CCDC57: variants seen among roughly 807,000 people sequenced by gnomAD.
CCDC57 encodes coiled-coil domain containing 57.
In CCDC57, 118 loss-of-function variants were observed where a neutral mutation model predicts 118.9. The observed-to-expected ratio is 0.99, with a 90% confidence interval of 0.86 to 1.16. The LOEUF is 1.16. Ranked by LOEUF, CCDC57 falls within the 50% of genes most tolerant of loss-of-function variation. CCDC57 has a pLI of 0.00. For missense variants in CCDC57, 1,300 were observed against 1,320.7 expected (o/e 0.98, Z 0.24); for synonymous variants, 527 against 532.9 (o/e 0.99, Z 0.15).
At position 82,212,397 on chromosome 17, in the gene CCDC57, CTT is replaced by C. The variant is rs55941734; in HGVS notation, c.-211+386_-211+387del. On this transcript the variant is annotated intron_variant, in intron 1 of 19. Transcript: ENST00000665763. The surrounding 1 kb of genome is among the most constrained non-coding windows in gnomAD (Gnocchi z 4.1). ...CGCCTCCGGCCTTTTTTTTTCCTCT[CTT>C]TTTTTTTTTTTTTTTTTAAACTCAC... Among the ~76,000 whole-genome samples the C allele has an allele frequency of 1.3e-4, 17 of 135,128 alleles. No homozygotes were observed. The highest frequency in any genetic ancestry group is 2.7e-4 in the African/African-American group (9 of 33,470). The allele number at this position is 135,128 out of a possible 152,430, so 88.6% of individuals were successfully genotyped here.
chr17:82,117,878 T>C (rs1032990276), intron 19 of CCDC57, among the ~76,000 whole-genome samples: 1 of 152,158 alleles, frequency 6.6e-6, no homozygotes, highest in African/African-American at 2.4e-5. Flanking sequence ...GAACTCAAAC[T>C]GACCCTACCT....
At chr17:82,130,805 CT>C (rs1377914221) in intron 17 of CCDC57, among the ~76,000 whole-genome samples, 2 of 141,390 alleles carry the variant, frequency 1.4e-5, no homozygotes, top group African/African-American at 5.2e-5. Context: ...CGCCCAGCTC[CT>C]TTTTTTTGGG....
intron 16 of CCDC57, among the ~76,000 whole-genome samples, chr17:82,144,682 TTGTTA>T (rs1302785607): frequency 6.6e-6 from 1 of 152,236 alleles, no homozygotes; most frequent in African/African-American, 2.4e-5. Flanking sequence ...ACTCAATATA[TTGTTA>T]TAAGATTTTA....
At chr17:82,132,456 C>T (rs543398267) in intron 17 of CCDC57, among the ~76,000 whole-genome samples, 3 of 152,166 alleles carry the variant, frequency 2.0e-5, no homozygotes, top group East Asian at 1.9e-4. Flanking sequence ...AGTGGGAATT[C>T]GGGACTGGCT....
chr17:82,202,095 C>A lies in CCDC57; in HGVS notation c.-8-143G>T, dbSNP rs189094893. ...CCTGTAATCCCAGCCCTTTGGGAGG[C>A]CGAGGCAGGCGGATCACCTGAGGTC... On this transcript the variant is annotated intron_variant, in intron 2 of 19. Coordinates refer to ENST00000665763, the Ensembl canonical transcript of CCDC57. 2.7e-3 allele frequency: 2,241 copies of A among 832,020 alleles called. 35 individuals are homozygous for A. The African/African-American group carries it at 0.035, about 13-fold the overall frequency. 51.5% of individuals were successfully genotyped at this position (832,020 alleles called of 1,614,324 possible).
rs369275557 is a variant in CCDC57, at chr17:82,127,996, TA to T, written c.2683-89del. ...CCCCCAACCACTCCCCTCGGAGCAG[TA>T]AGGCGACAGTGGGCCTGGCTTAAAG... On this transcript the variant is annotated intron_variant, in intron 18 of 19. Coordinates refer to ENST00000665763, the Ensembl canonical transcript of CCDC57. 3.9e-6 allele frequency: 6 copies of T among 1,526,804 alleles called. No individual in the cohort carries two copies. The African/African-American group carries it at 7.0e-5, about 18-fold the overall frequency. The allele number at this position is 1,526,804 out of a possible 1,614,324, so 94.6% of individuals were successfully genotyped here.
intron 4 of CCDC57, among the ~76,000 whole-genome samples, chr17:82,197,972 C>T (rs1203662648): frequency 6.6e-6 from 1 of 152,208 alleles, no homozygotes; most frequent in Admixed American, 6.5e-5. Flanking sequence ...AGATGACAAA[C>T]TGTGGGACTT....
chr17:82,177,035 C>T (rs2045606528), intron 11 of CCDC57, among the ~76,000 whole-genome samples: 1 of 151,760 alleles, frequency 6.6e-6, no homozygotes, highest in African/African-American at 2.4e-5. Flanking sequence ...CACCTGAGGT[C>T]GGGAGTTCAA....
At chr17:82,130,633 G>A (rs2038212130) in intron 17 of CCDC57, among the ~76,000 whole-genome samples, 1 of 150,280 alleles carries the variant, frequency 6.7e-6, no homozygotes, top group Admixed American at 6.7e-5. Context: ...CTCCCGAGTA[G>A]CTGGGATTAT....
intron 19 of CCDC57, among the ~76,000 whole-genome samples, chr17:82,115,531 G>A (rs897179473): frequency 1.3e-5 from 2 of 152,124 alleles, no homozygotes; most frequent in African/African-American, 4.8e-5. Context: ...AGCGCTTAGG[G>A]AGGCTGACAT....
At position 82,171,067 on chromosome 17, in the gene CCDC57, G is replaced by C. The variant is rs375471138; in HGVS notation, c.1882+634C>G. On this transcript the variant is annotated intron_variant, in intron 13 of 19. Transcript: ENST00000665763. ...GAGCGCTGACTGCAGTGAGCAGCCA[G>C]GGCACGTGGGCTCCGGAGGGAGCAC... Among the ~76,000 whole-genome samples, 86 of 151,198 alleles carry C rather than the reference G, an allele frequency of 5.7e-4. 2 individuals carry two copies. The South Asian group carries it at 0.017, about 30-fold the overall frequency.
At chr17:82,159,230 C>T (rs1371835689) in intron 14 of CCDC57, among the ~76,000 whole-genome samples, 1 of 152,124 alleles carries the variant, frequency 6.6e-6, no homozygotes, top group Non-Finnish European at 1.5e-5. Context: ...AACTCCTGGG[C>T]TCAAGTGATC....
At chr17:82,198,003 G>A (rs777416790) in intron 4 of CCDC57, among the ~76,000 whole-genome samples, 3 of 152,128 alleles carry the variant, frequency 2.0e-5, no homozygotes, top group African/African-American at 4.8e-5. Flanking sequence ...GTAACTGCAC[G>A]AGTGAATTCC....
intron 16 of CCDC57, among the ~76,000 whole-genome samples, chr17:82,138,589 T>G (rs2039583028): frequency 6.7e-6 from 1 of 150,128 alleles, no homozygotes; most frequent in African/African-American, 2.5e-5. Flanking sequence ...ATGATTAGGT[T>G]TCTTTGATGT....
chr17:82,197,681 G>A (rs780805479), intron 4 of CCDC57, among the ~76,000 whole-genome samples: 1 of 152,200 alleles, frequency 6.6e-6, no homozygotes, highest in Non-Finnish European at 1.5e-5. Context: ...AATTATTTCT[G>A]GGAGTGTCTG....
At chr17:82,184,045 A>ACACACACG in intron 8 of CCDC57, 113 bp from the exon 8 acceptor site, 1 of 537,530 alleles carries the variant, frequency 1.9e-6, no homozygotes, top group East Asian at 2.9e-5. Context: ...ACACACACAC[A>ACACACACG]CACACACACA....
intron 16 of CCDC57, among the ~76,000 whole-genome samples, chr17:82,136,328 A>T (rs1568215476): frequency 6.6e-6 from 1 of 152,200 alleles, no homozygotes; most frequent in Admixed American, 6.5e-5. Context: ...GAAGCCAGGC[A>T]CAAAGGGACA....
intron 16 of CCDC57, among the ~76,000 whole-genome samples, chr17:82,141,352 T>A (rs1309715052): frequency 2.0e-5 from 3 of 152,096 alleles, no homozygotes; most frequent in African/African-American, 7.2e-5. Flanking sequence ...GCTGGCTAAT[T>A]TTTGTATTTT....
chr17:82,179,347 C>T (rs1030285463), intron 9 of CCDC57, among the ~76,000 whole-genome samples, 158 bp from the exon 9 acceptor site: 4 of 152,194 alleles, frequency 2.6e-5, no homozygotes, highest in African/African-American at 9.7e-5. Context: ...TGGATGGGCA[C>T]ACTGGGACGC....
Sources: gnomAD v4.1 joint callset for allele counts (sites outside exome capture counted in the v4.1 genomes callset) on GRCh38, gnomAD v4.1.1 for gene constraint, Gnocchi (gnomAD v3.1) non-coding constraint, MANE v1.5 for transcripts, NCBI Gene and HGNC (gene_info 2026-07-23, HGNC 2026-07-21) for gene names.